PDE2A: variants seen among roughly 807,000 people sequenced by gnomAD.
The protein encoded by PDE2A is phosphodiesterase 2A, also known as cGMP-dependent 3',5'-cyclic phosphodiesterase.
A neutral mutation model predicts 133.6 loss-of-function variants in PDE2A; 53 were observed. That is an observed-to-expected ratio of 0.40 (90% CI 0.32 to 0.50). The LOEUF (loss-of-function observed/expected upper bound fraction) is 0.50. Ranked by LOEUF, PDE2A falls within the 20% of genes least tolerant of loss-of-function variation. PDE2A has a pLI of 0.73. For missense variants in PDE2A, 796 were observed against 1,232.4 expected (o/e 0.65, Z 5.30); for synonymous variants, 491 against 490.2 (o/e 1.00, Z -0.02).
intron 3 of PDE2A, among the ~76,000 whole-genome samples, chr11:72,606,206 G>A (rs1180092437): frequency 3.3e-5 from 5 of 151,832 alleles, no homozygotes; most frequent in Admixed American, 6.6e-5. Flanking sequence ...GCAACCCTTC[G>A]GGATCCCTGA....
chr11:72,590,646 T>A lies in PDE2A; in HGVS notation c.550-66A>T. 7.7e-7 allele frequency: 1 copy of A among 1,298,550 alleles called. No individual in the cohort carries two copies. Among genetic ancestry groups the A allele is most frequent in the Non-Finnish European group, 9.8e-7 (1 of 1,019,706 alleles). 80.4% of individuals were successfully genotyped at this position (1,298,550 alleles called of 1,614,324 possible). A position where few individuals can be genotyped will look rare whatever the true frequency, so the allele number is the denominator to read the frequency against. ...CTCGCTGCGCTTGCTGCAGCGGGATTCCTGCCTTTGCTCCCGCCGTTCCCT... is the reference window on the plus strand; with the variant it reads ...CTCGCTGCGCTTGCTGCAGCGGGATACCTGCCTTTGCTCCCGCCGTTCCCT... On this transcript the variant is annotated intron_variant, in intron 7 of 30. Transcript: ENST00000334456. This position sits in a 1 kb window ranked among gnomAD's most constrained non-coding sequence, Gnocchi z 4.8.
At chr11:72,624,193 G>C (rs113856319) in intron 2 of PDE2A, among the ~76,000 whole-genome samples, 5 of 151,896 alleles carry the variant, frequency 3.3e-5, no homozygotes, top group African/African-American at 1.2e-4. Context: ...GGTTTCACCA[G>C]ACTGGTCTTG....
chr11:72,643,391 C>T (rs1859040313), intron 1 of PDE2A: 1 of 152,372 alleles, frequency 6.6e-6, no homozygotes, highest in African/African-American at 2.4e-5. Context: ...GCTTGGGTCT[C>T]GCTAGGCCTT....
chr11:72,638,174 G>A (rs964784543), intron 2 of PDE2A, among the ~76,000 whole-genome samples: 2 of 152,198 alleles, frequency 1.3e-5, no homozygotes, highest in East Asian at 3.8e-4. Context: ...GACACCAGCC[G>A]CGCCACCCTG....
chr11:72,649,564 G>C (rs1854667597), intron 1 of PDE2A, among the ~76,000 whole-genome samples: 1 of 152,262 alleles, frequency 6.6e-6, no homozygotes, highest in Non-Finnish European at 1.5e-5. Context: ...AGGTGGGGCT[G>C]GTGGGGCCCC....
chr11:72,591,336 A>G lies in PDE2A; in HGVS notation c.510T>C (p.Ser170=). 6.2e-7 allele frequency: 1 copy of G among 1,613,422 alleles called. No individual in the cohort carries two copies. The highest frequency in any genetic ancestry group is 8.5e-7 in the Non-Finnish European group (1 of 1,179,738). Residue 170 remains serine (S), a synonymous_variant, in exon 7 of 31, where the codon AGT becomes AGC. Transcript: ENST00000334456. ...AVILVHCGQL[S]DNEEWSLQAV... ...CCTGCAGGCTCCATTCCTCATTATC[A>G]CTCAGCTGGCCACAGTGCACCTGGA...
At chr11:72,656,894 A>C (rs1854914517) in intron 1 of PDE2A, among the ~76,000 whole-genome samples, 1 of 151,862 alleles carries the variant, frequency 6.6e-6, no homozygotes, top group South Asian at 2.1e-4. Context: ...AGCAACAACA[A>C]AAATCTTCAG....
chr11:72,656,138 C>T (rs1033155081), intron 1 of PDE2A, among the ~76,000 whole-genome samples: 6 of 152,124 alleles, frequency 3.9e-5, no homozygotes, highest in South Asian at 2.1e-4. Context: ...CAGTGGGGTG[C>T]GAGAGGCGAG....
rs114519910 is a variant in PDE2A at position 72,618,021 on chromosome 11, C to A, written c.145-9270G>T. On this transcript the variant is annotated intron_variant, in intron 2 of 30. Transcript: ENST00000334456. ...GGGTCTCTCAGCTCCTCTCTCCCAG[C>A]GCAGTGCTTTGTTAAACATAAATGT... 9.8e-3 allele frequency among the ~76,000 whole-genome samples: 1,496 copies of A among 152,306 alleles called. 21 individuals are homozygous for A. Among genetic ancestry groups the A allele is most frequent in the African/African-American group, 0.034 (1,432 of 41,542 alleles).
At chr11:72,673,696 C>T (rs1855436353) in intron 1 of PDE2A, among the ~76,000 whole-genome samples, 1 of 151,916 alleles carries the variant, frequency 6.6e-6, no homozygotes. Context: ...ATCTTTCCCC[C>T]TCCCCACCTC....
chr11:72,670,880 A>C (rs745889597), intron 1 of PDE2A, among the ~76,000 whole-genome samples: 1 of 152,148 alleles, frequency 6.6e-6, no homozygotes, highest in Non-Finnish European at 1.5e-5. Flanking sequence ...TGAACATCCT[A>C]TGTCCGGGGG....
In PDE2A at chr11:72,579,518, CCCCCAA is replaced by C; in HGVS notation, c.2256+10_2256+15del. 1 of 1,511,902 alleles carries C rather than the reference CCCCCAA, an allele frequency of 6.6e-7. No individual in the cohort carries two copies. The highest frequency in any genetic ancestry group is 9.1e-7 in the Non-Finnish European group (1 of 1,093,578). 93.7% of individuals were successfully genotyped at this position (1,511,902 alleles called of 1,614,324 possible). On this transcript the variant is annotated intron_variant, in intron 26 of 30. Coordinates refer to ENST00000334456, the MANE Select transcript of PDE2A (RefSeq NM_002599.5). ...CAGCTCCCCCTCAATCCCCACCCCA[CCCCCAA>C]CCCCATCACCTTCCGGGAGAAATGA... is the stretch of plus-strand genomic sequence containing the variant.
Position 72,590,329 on chromosome 11 carries a change from G to T in PDE2A, c.704-85C>A. On this transcript the variant is annotated intron_variant, in intron 8 of 30. Coordinates refer to ENST00000334456, the MANE Select transcript of PDE2A (RefSeq NM_002599.5). The surrounding 1 kb of genome is among the most constrained non-coding windows in gnomAD (Gnocchi z 4.8). Reference sequence around the variant, plus strand: ...CTCAGGCGCCGCTCAGCTCCGCGCCGGGCCCGCCGCCGGCTCCCGGGATCG... The same window carrying T: ...CTCAGGCGCCGCTCAGCTCCGCGCCTGGCCCGCCGCCGGCTCCCGGGATCG... 6.5e-7 allele frequency: 1 copy of T among 1,537,416 alleles called. No individual in the cohort carries two copies. Among genetic ancestry groups the T allele is most frequent in the East Asian group, 2.4e-5 (1 of 40,840 alleles).
chr11:72,609,588 C>T (rs188878860), intron 2 of PDE2A, among the ~76,000 whole-genome samples: 3 of 152,280 alleles, frequency 2.0e-5, no homozygotes, highest in Middle Eastern at 3.4e-3. Context: ...AGAGCCGGAA[C>T]GGAGACAAAA....
intron 4 of PDE2A, among the ~76,000 whole-genome samples, chr11:72,603,060 A>T (rs1015562762): frequency 3.9e-5 from 6 of 152,114 alleles, no homozygotes; most frequent in Admixed American, 6.5e-5. Context: ...CTGGCAAGCC[A>T]CTCACCTTTC....
At chr11:72,583,570 A>T (rs2135281930) in intron 19 of PDE2A, 55 bp from the exon 20 acceptor site, 2 of 1,194,092 alleles carry the variant, frequency 1.7e-6, no homozygotes, top group East Asian at 4.6e-5. Context: ...AAAATTTAGC[A>T]ATGCCCAGGA....
Position 72,590,281 on chromosome 11 carries a change from T to A in PDE2A, c.704-37A>T, listed in dbSNP as rs956002507. 3.2e-6 allele frequency: 5 copies of A among 1,544,810 alleles called. No individual in the cohort carries two copies. The highest frequency in any genetic ancestry group is 4.4e-6 in the Non-Finnish European group (5 of 1,141,270). Reference sequence around the variant, plus strand: ...AGGCGCCGGTCAGAGAGAGGGCCCCTCCGCACCTCCGTGTCCGGGTCCCTC... The same window carrying A: ...AGGCGCCGGTCAGAGAGAGGGCCCCACCGCACCTCCGTGTCCGGGTCCCTC... On this transcript the variant is annotated intron_variant, in intron 8 of 30. Transcript: ENST00000334456. The surrounding 1 kb of genome is among the most constrained non-coding windows in gnomAD (Gnocchi z 4.8).
chr11:72,587,490 G>T (rs1377597431), intron 13 of PDE2A, among the ~76,000 whole-genome samples: 1 of 152,102 alleles, frequency 6.6e-6, no homozygotes, highest in South Asian at 2.1e-4. Flanking sequence ...TGCCACCAAG[G>T]CCCCATCCTT....
chr11:72,607,844 C>T (rs1056765248), intron 3 of PDE2A, among the ~76,000 whole-genome samples: 25 of 152,184 alleles, frequency 1.6e-4, no homozygotes, highest in African/African-American at 5.8e-4. Context: ...AGGGCATCTC[C>T]TCCTCCAGGA....
Sources: allele counts gnomAD v4.1 joint callset (sites outside exome capture counted in the v4.1 genomes callset), GRCh38; gene constraint gnomAD v4.1.1; non-coding constraint Gnocchi (gnomAD v3.1); transcripts MANE v1.5; gene names NCBI Gene and HGNC (gene_info 2026-07-23, HGNC 2026-07-21).